The following SH3GLB1 variants were observed in gnomAD, a reference collection of about 807,000 sequenced individuals.
The protein encoded by SH3GLB1 is SH3 domain containing GRB2 like, endophilin B1.
Under a neutral mutation model 42.0 loss-of-function variants are expected in SH3GLB1, and 17 were observed. The ratio of observed to expected loss-of-function variants is 0.40; its 90% CI spans 0.28 to 0.61. The LOEUF (loss-of-function observed/expected upper bound fraction) is 0.61. Ranked by LOEUF, SH3GLB1 falls within the 20% of genes least tolerant of loss-of-function variation. The pLI, the probability that SH3GLB1 is intolerant of heterozygous loss-of-function variation, is 0.36. For missense variants in SH3GLB1, 355 were observed against 426.3 expected (o/e 0.83, Z 1.47); for synonymous variants, 132 against 146.6 (o/e 0.90, Z 0.72).
intron 1 of SH3GLB1, among the ~76,000 whole-genome samples, chr1:86,710,675 CA>C (rs1654161635): frequency 6.6e-6 from 1 of 152,188 alleles, no homozygotes; most frequent in South Asian, 2.1e-4. Context: ...TTAAAATGAT[CA>C]AACACCTAAG....
chr1:86,747,873 A>G lies in SH3GLB1; in HGVS notation c.*4638A>G, dbSNP rs1656376038. 1 of 152,238 alleles carries G rather than the reference A, an allele frequency of 6.6e-6. No homozygotes were observed. Among genetic ancestry groups the G allele is most frequent in the Non-Finnish European group, 1.5e-5 (1 of 68,044 alleles). The allele number at this position is 152,238 out of a possible 1,614,324, so 9.4% of individuals were successfully genotyped here. A position where few individuals can be genotyped will look rare whatever the true frequency, so the allele number is the denominator to read the frequency against. On this transcript the variant is annotated 3_prime_UTR_variant, in exon 9 of 9. Coordinates refer to ENST00000370558, the MANE Select transcript of SH3GLB1 (RefSeq NM_016009.5). The stretch of plus-strand genomic sequence containing the variant: ...TAATACAAGTCATAGCCCTGTTGGC[A>G]AAAAGAAAAAAGATTCAGTGAGAAA...
chr1:86,709,791 A>G (rs1182640387), intron 1 of SH3GLB1, among the ~76,000 whole-genome samples: 1 of 152,226 alleles, frequency 6.6e-6, no homozygotes, highest in Non-Finnish European at 1.5e-5. Flanking sequence ...GCTATTTTCT[A>G]AGGAATATAG....
At chr1:86,728,723 TAAATA>T (rs1439016696) in intron 5 of SH3GLB1, among the ~76,000 whole-genome samples, 4 of 152,184 alleles carry the variant, frequency 2.6e-5, no homozygotes, top group Admixed American at 2.0e-4. Flanking sequence ...AATTTATACA[TAAATA>T]TATAGTGCCT....
chr1:86,743,411 TTA>T lies in SH3GLB1; in HGVS notation c.*178_*179del. The T allele has an allele frequency of 2.5e-6, 1 of 392,184 alleles. No individual in the cohort carries two copies. The highest frequency in any genetic ancestry group is 4.5e-6 in the Non-Finnish European group (1 of 220,482). The allele number at this position is 392,184 out of a possible 1,614,324, so 24.3% of individuals were successfully genotyped here. On this transcript the variant is annotated 3_prime_UTR_variant, in exon 9 of 9. Transcript: ENST00000370558. ...CATGGTAAATATTTCATTACAGAAT[TTA>T]TGTTAGAGCTTTCATGCCAAGAATG...
intron 5 of SH3GLB1, among the ~76,000 whole-genome samples, chr1:86,733,971 TAATA>T (rs1655649370): frequency 6.6e-6 from 1 of 152,186 alleles, no homozygotes; most frequent in South Asian, 2.1e-4. Context: ...TAGTGTATCT[TAATA>T]GATAGTATTC....
chr1:86,723,233 C>T lies in SH3GLB1; in HGVS notation c.477+560C>T, dbSNP rs536592131. Among the ~76,000 whole-genome samples the T allele has an allele frequency of 3.2e-4, 48 of 152,224 alleles. No individual in the cohort carries two copies. The South Asian group carries it at 4.8e-3, about 15-fold the overall frequency. On this transcript the variant is annotated intron_variant, in intron 4 of 8. Transcript: ENST00000370558. ...GTATGATTTAAAAGATATTAGCAGCCGGGCGTGATGGCTAACGCCTGTAAT... is the reference window on the plus strand; with the variant it reads ...GTATGATTTAAAAGATATTAGCAGCTGGGCGTGATGGCTAACGCCTGTAAT...
chr1:86,715,862 C>A lies in SH3GLB1; in HGVS notation c.211C>A (p.Pro71Thr). ...AACTGAAGTGTTATTGCAGCCAAAT[C>A]CAAGTAAGAAACTCTACCTCTTGTG... is the stretch of plus-strand genomic sequence containing the variant. ...KQTEVLLQPN[P>T]NARIEEFVYE... The change falls in exon 2 of 9, where the codon CCA (proline) becomes ACA (threonine). Residue 71 changes from proline to threonine, a missense_variant. Physicochemically the swap from Pro to Thr is conservative, Grantham distance 38. Coordinates refer to ENST00000370558, the MANE Select transcript of SH3GLB1 (RefSeq NM_016009.5). 6.2e-7 allele frequency: 1 copy of A among 1,607,306 alleles called. No homozygotes were observed. The highest frequency in any genetic ancestry group is 1.3e-5 in the African/African-American group (1 of 74,490).
chr1:86,724,921 TA>T (rs1465126207), intron 5 of SH3GLB1, among the ~76,000 whole-genome samples: 8 of 127,738 alleles, frequency 6.3e-5, no homozygotes, highest in African/African-American at 2.7e-4. Flanking sequence ...ATAAAATATA[TA>T]ATATATATGT....
intron 7 of SH3GLB1, among the ~76,000 whole-genome samples, chr1:86,737,464 C>T (rs12087695): frequency 0.1 from 15,429 of 152,110 alleles, 1,076 homozygotes; most frequent in African/African-American, 0.19. Context: ...TTTTTCTTAT[C>T]TTCAGAAATG....
Position 86,743,817 on chromosome 1 carries a change from T to C in SH3GLB1, c.*582T>C, listed in dbSNP as rs1425870779. 6.6e-6 allele frequency: 1 copy of C among 152,574 alleles called. No individual in the cohort carries two copies. The highest frequency in any genetic ancestry group is 1.5e-5 in the Non-Finnish European group (1 of 68,014). 9.5% of individuals were successfully genotyped at this position (152,574 alleles called of 1,614,324 possible). A position where few individuals can be genotyped will look rare whatever the true frequency, so the allele number is the denominator to read the frequency against. On this transcript the variant is annotated 3_prime_UTR_variant, in exon 9 of 9. Coordinates refer to ENST00000370558, the MANE Select transcript of SH3GLB1 (RefSeq NM_016009.5). ...TTTTGATGGGTTATTTTCAGAGTTG[T>C]TTGGTTTTTTAAACACTACTGAATG...
At position 86,745,812 on chromosome 1, in the gene SH3GLB1, G is replaced by A. The variant is rs1194893675; in HGVS notation, c.*2577G>A. The A allele has an allele frequency of 6.6e-6, 1 of 152,388 alleles. No homozygotes were observed. The highest frequency in any genetic ancestry group is 1.5e-5 in the Non-Finnish European group (1 of 68,038). 9.4% of individuals were successfully genotyped at this position (152,388 alleles called of 1,614,324 possible). The stretch of plus-strand genomic sequence containing the variant: ...GGGCGTGGAAGAAAAAGCTTGGGAA[G>A]CCTATTAATTCATGGTGCAGTTCAG... On this transcript the variant is annotated 3_prime_UTR_variant, in exon 9 of 9. Coordinates refer to ENST00000370558, the MANE Select transcript of SH3GLB1 (RefSeq NM_016009.5).
At chr1:86,716,328 G>GC (rs1420196079) in intron 2 of SH3GLB1, among the ~76,000 whole-genome samples, 10 of 152,092 alleles carry the variant, frequency 6.6e-5, no homozygotes, top group Non-Finnish European at 1.3e-4. Context: ...ATGCTGGAGT[G>GC]CAATGGTGTG....
At chr1:86,710,439 A>G (rs1030732680) in intron 1 of SH3GLB1, among the ~76,000 whole-genome samples, 3 of 151,926 alleles carry the variant, frequency 2.0e-5, no homozygotes, top group Non-Finnish European at 4.4e-5. Flanking sequence ...TAAATTTTGT[A>G]TTTTTAGTAG....
Position 86,724,331 on chromosome 1 carries a change from C to G in SH3GLB1, c.496C>G (p.Gln166Glu). The G allele has an allele frequency of 6.3e-7, 1 of 1,587,564 alleles. No homozygotes were observed. Among genetic ancestry groups the G allele is most frequent in the African/African-American group, 1.4e-5 (1 of 73,148 alleles). Residue 166 changes from glutamine to glutamate, a missense_variant, in exon 5 of 9, where the codon CAA becomes GAA. Coordinates refer to ENST00000370558, the MANE Select transcript of SH3GLB1 (RefSeq NM_016009.5). ...TTTATAGAAAGAAAGGAAACTATTG[C>G]AAAATAAGAGACTGGATTTGGATGC... ...KTIAKERKLL[Q>E]NKRLDLDAAK...
intron 7 of SH3GLB1, among the ~76,000 whole-genome samples, chr1:86,738,956 C>A (rs79983819): frequency 6.6e-6 from 1 of 152,124 alleles, no homozygotes; most frequent in Non-Finnish European, 1.5e-5. Flanking sequence ...AAGTTTTTGA[C>A]CTAAGTAACT....
In SH3GLB1 at chr1:86,704,880, C is replaced by T. The variant is rs1485390335; in HGVS notation, c.-20C>T. On this transcript the variant is annotated 5_prime_UTR_variant, in exon 1 of 9. Coordinates refer to ENST00000370558, the MANE Select transcript of SH3GLB1 (RefSeq NM_016009.5). ...CTCGCCGCCGCTAGGTCGGCCGGCT[C>T]CGCCCGGCTGCCGCCTAGGATGAAT... 6 of 1,549,954 alleles carry T rather than the reference C, an allele frequency of 3.9e-6. No individual in the cohort carries two copies. The African/African-American group carries it at 5.7e-5, about 15-fold the overall frequency.
chr1:86,740,410 C>T (rs933811744), intron 7 of SH3GLB1, among the ~76,000 whole-genome samples: 2 of 152,158 alleles, frequency 1.3e-5, no homozygotes, highest in Non-Finnish European at 2.9e-5. Flanking sequence ...CTGTGTTTCT[C>T]CTGTTAAAGT....
chr1:86,722,252 C>T (rs928112492), intron 3 of SH3GLB1, among the ~76,000 whole-genome samples: 2 of 151,476 alleles, frequency 1.3e-5, no homozygotes, highest in Non-Finnish European at 2.9e-5. Flanking sequence ...CGACTGTGAC[C>T]GTAAATATTT....
intron 1 of SH3GLB1, among the ~76,000 whole-genome samples, chr1:86,706,140 C>T (rs1259852696): frequency 2.6e-5 from 4 of 152,176 alleles, no homozygotes; most frequent in East Asian, 1.9e-4. Flanking sequence ...ATGTTATTAA[C>T]CCCTTTTATA....
Sources: allele counts gnomAD v4.1 joint callset (sites outside exome capture counted in the v4.1 genomes callset), GRCh38; gene constraint gnomAD v4.1.1; transcripts MANE v1.5; gene names NCBI Gene and HGNC (gene_info 2026-07-23, HGNC 2026-07-21).